ACAP2: variants seen among roughly 807,000 people sequenced by gnomAD.
The protein encoded by ACAP2 is arf-GAP with coiled-coil, ANK repeat and PH domain-containing protein 2.
Under a neutral mutation model 115.8 loss-of-function variants are expected in ACAP2, and 39 were observed. The observed-to-expected ratio is 0.34, with a 90% CI of 0.26 to 0.44. ACAP2 has a LOEUF of 0.44. Among genes scored for constraint, ACAP2 ranks in the 20% least tolerant of loss-of-function variants. The pLI, the probability that ACAP2 is intolerant of heterozygous loss-of-function variation, is 1.00. For synonymous variants in ACAP2, 289 were observed against 315.8 expected (o/e 0.92, Z 0.90); for missense variants, 662 against 927.6 (o/e 0.71, Z 3.72).
intron 8 of ACAP2, 36 bp downstream of exon 8, chr3:195,332,991 GT>G (rs1364894995): frequency 2.1e-6 from 3 of 1,452,410 alleles, no homozygotes; most frequent in East Asian, 2.4e-5. Flanking sequence ...AAATACCAAT[GT>G]ATAAAACAGA....
At chr3:195,426,843 G>A (rs552934059) in intron 1 of ACAP2, among the ~76,000 whole-genome samples, 1 of 152,260 alleles carries the variant, frequency 6.6e-6, no homozygotes, top group East Asian at 1.9e-4. Flanking sequence ...TGAGGATATT[G>A]GGATGGGGTG....
chr3:195,350,511 G>A (rs1731485841), intron 4 of ACAP2, among the ~76,000 whole-genome samples: 1 of 151,794 alleles, frequency 6.6e-6, no homozygotes, highest in Non-Finnish European at 1.5e-5. Flanking sequence ...TTAGCCAGGG[G>A]TGTAGCATGT....
chr3:195,310,006 CATT>C (rs1326821155), intron 10 of ACAP2, among the ~76,000 whole-genome samples: 4 of 152,090 alleles, frequency 2.6e-5, no homozygotes, highest in Non-Finnish European at 4.4e-5. Flanking sequence ...GTATTTGAAT[CATT>C]ATTTTAAAAT....
At chr3:195,289,420 G>A (rs907449665) in intron 20 of ACAP2, among the ~76,000 whole-genome samples, 189 bp from the exon 21 acceptor site, 2 of 152,000 alleles carry the variant, frequency 1.3e-5, no homozygotes, top group Non-Finnish European at 2.9e-5. Flanking sequence ...CAAGTCTCAA[G>A]GTATTTTTGC....
intron 1 of ACAP2, among the ~76,000 whole-genome samples, chr3:195,421,802 C>A (rs889683304): frequency 2.3e-4 from 35 of 152,190 alleles, no homozygotes; most frequent in Non-Finnish European, 2.9e-5. Context: ...GTTTTAATTT[C>A]CTTTCATACT....
chr3:195,364,684 T>C (rs982386153), intron 4 of ACAP2, among the ~76,000 whole-genome samples: 4 of 152,208 alleles, frequency 2.6e-5, no homozygotes, highest in Non-Finnish European at 4.4e-5. Context: ...GGTGGGAATG[T>C]AAATTAGTAC....
intron 1 of ACAP2, among the ~76,000 whole-genome samples, chr3:195,429,640 G>T (rs1218758911): frequency 6.6e-6 from 1 of 152,048 alleles, no homozygotes; most frequent in Non-Finnish European, 1.5e-5. Flanking sequence ...TAGGTGACGG[G>T]TAGTGTACAA....
At chr3:195,300,541 A>T (rs1161827117) in intron 15 of ACAP2, among the ~76,000 whole-genome samples, 1 of 152,232 alleles carries the variant, frequency 6.6e-6, no homozygotes, top group African/African-American at 2.4e-5. Flanking sequence ...AGACACAGGG[A>T]AAAAAGGAAG....
intron 5 of ACAP2, among the ~76,000 whole-genome samples, chr3:195,345,048 G>A (rs1010091864): frequency 2.6e-5 from 4 of 152,102 alleles, no homozygotes; most frequent in Non-Finnish European, 5.9e-5. Flanking sequence ...TCCAGAACAC[G>A]TATTTGTGGA....
intron 9 of ACAP2, among the ~76,000 whole-genome samples, chr3:195,323,158 C>T (rs996286288): frequency 2.0e-5 from 3 of 152,092 alleles, no homozygotes; most frequent in African/African-American, 7.2e-5. Flanking sequence ...GAAACTTTCC[C>T]TTTGAAACAG....
At chr3:195,442,739 GC>G in intron 1 of ACAP2, 55 bp downstream of exon 1, 3 of 1,511,342 alleles carry the variant, frequency 2.0e-6, no homozygotes, top group Non-Finnish European at 8.9e-7. Flanking sequence ...CGGCTTTCAC[GC>G]CCCCAGCGCC....
intron 3 of ACAP2, among the ~76,000 whole-genome samples, chr3:195,381,511 C>T (rs2108751537): frequency 6.6e-6 from 1 of 152,286 alleles, no homozygotes; most frequent in East Asian, 1.9e-4. Flanking sequence ...AGAACCTATA[C>T]AGCCCCCTAT....
chr3:195,288,997 T>C, intron 21 of ACAP2, 124 bp downstream of exon 21: 2 of 643,188 alleles, frequency 3.1e-6, no homozygotes, highest in Non-Finnish European at 5.3e-6. Context: ...CCATTTTATA[T>C]AAGGGACATG....
chr3:195,310,246 A>G (rs946402144), intron 10 of ACAP2, among the ~76,000 whole-genome samples: 3 of 152,230 alleles, frequency 2.0e-5, no homozygotes, highest in Non-Finnish European at 4.4e-5. Flanking sequence ...TCACTTAAAG[A>G]GGAATCGCCT....
Position 195,401,632 on chromosome 3 carries a change from G to A in ACAP2, c.54-9485C>T, listed in dbSNP as rs150079025. Reference sequence around the variant, plus strand: ...CAGTGAGTTGAGATTGTGCCACTGCGCTCCAGCTTGGGAGACAGTGAACTC... The same window carrying A: ...CAGTGAGTTGAGATTGTGCCACTGCACTCCAGCTTGGGAGACAGTGAACTC... On this transcript the variant is annotated intron_variant, in intron 1 of 22. Transcript: ENST00000326793. Among the ~76,000 whole-genome samples the A allele has an allele frequency of 7.0e-3, 1,061 of 152,236 alleles. 13 individuals are homozygous for A. Among genetic ancestry groups the A allele is most frequent in the African/African-American group, 0.024 (1,004 of 41,550 alleles).
intron 4 of ACAP2, among the ~76,000 whole-genome samples, chr3:195,359,890 A>C (rs1732237250): frequency 6.6e-6 from 1 of 152,260 alleles, no homozygotes; most frequent in African/African-American, 2.4e-5. Context: ...ACATATAATA[A>C]ATAAGCAAAA....
rs1037959706 is a variant in ACAP2, at chr3:195,345,331, T to C, written c.286-14A>G. The C allele has an allele frequency of 5.2e-6, 8 of 1,545,294 alleles. No individual in the cohort carries two copies. In the African/African-American group the frequency reaches 9.5e-5, roughly 18 times the overall value. ...GTCAAACAGGATCTAAAAAATAAAA[T>C]GTAATATTAAGTGATTAGAAAAGTA... is the stretch of plus-strand genomic sequence containing the variant. On this transcript the variant is annotated splice_polypyrimidine_tract_variant and intron_variant, in intron 4 of 22. Coordinates refer to ENST00000326793, the MANE Select transcript of ACAP2 (RefSeq NM_012287.6).
At chr3:195,434,520 G>A (rs765540540) in intron 1 of ACAP2, among the ~76,000 whole-genome samples, 9 of 152,322 alleles carry the variant, frequency 5.9e-5, no homozygotes, top group Non-Finnish European at 1.0e-4. Flanking sequence ...ATAGGCATAA[G>A]CCATTGTGCC....
chr3:195,411,107 G>C (rs570865723), intron 1 of ACAP2: 2 of 201,242 alleles, frequency 9.9e-6, no homozygotes, highest in Non-Finnish European at 2.1e-5. Flanking sequence ...ACACCCATTA[G>C]GATGGCTACT....
Sources: gnomAD v4.1 joint callset for allele counts (sites outside exome capture counted in the v4.1 genomes callset) on GRCh38, gnomAD v4.1.1 for gene constraint, MANE v1.5 for transcripts, NCBI Gene and HGNC (gene_info 2026-07-23, HGNC 2026-07-21) for gene names.